Variants in TFEC observed in about 807,000 individuals in gnomAD.
TFEC encodes class E basic helix-loop-helix protein 34.
Under a neutral mutation model 41.6 loss-of-function variants are expected in TFEC, and 31 were observed. The ratio of observed to expected loss-of-function variants is 0.74; its 90% CI spans 0.56 to 1.01. TFEC has a LOEUF of 1.01. TFEC is among the 50% of genes least tolerant of loss of function. The probability of loss-of-function intolerance (pLI) is 0.00; values close to 1 mark genes in which losing one functional copy is unlikely to be tolerated. For missense variants in TFEC, 402 were observed against 404.1 expected, an observed-to-expected ratio of 0.99 and a Z score of 0.04; for synonymous variants, 143 against 140.6, an observed-to-expected ratio of 1.02 and a Z score of -0.12.
chr7:116,102,301 C>A (rs1797622537), intron 3 of TFEC, among the ~76,000 whole-genome samples: 1 of 152,096 alleles, frequency 6.6e-6, no homozygotes, highest in Non-Finnish European at 1.5e-5. Flanking sequence ...AGGAATTGGA[C>A]TTTTTCTGAA....
At chr7:116,046,881 G>C (rs1041122568) in intron 3 of TFEC, among the ~76,000 whole-genome samples, 1 of 152,136 alleles carries the variant, frequency 6.6e-6, no homozygotes, top group Non-Finnish European at 1.5e-5. Context: ...TCTCTCACCA[G>C]AGAGGTGAGC....
At chr7:116,051,210 C>G (rs2204334) in intron 3 of TFEC, among the ~76,000 whole-genome samples, 9 of 151,982 alleles carry the variant, frequency 5.9e-5, no homozygotes, top group Non-Finnish European at 1.0e-4. Flanking sequence ...GACGAGTTAA[C>G]GAGTGCAGCA....
chr7:116,124,712 TGAGGA>T (rs933073363), intron 1 of TFEC, among the ~76,000 whole-genome samples: 1 of 152,102 alleles, frequency 6.6e-6, no homozygotes, highest in African/African-American at 2.4e-5. Flanking sequence ...GACTCTATCT[TGAGGA>T]GAGGAAAGAA....
At chr7:116,153,640 A>G (rs941109878) in intron 1 of TFEC, among the ~76,000 whole-genome samples, 1 of 152,150 alleles carries the variant, frequency 6.6e-6, no homozygotes, top group Non-Finnish European at 1.5e-5. Flanking sequence ...ACCAGTAGTA[A>G]TTAACAATAA....
intron 1 of TFEC, among the ~76,000 whole-genome samples, chr7:116,134,136 T>A (rs1798389827): frequency 6.6e-6 from 1 of 152,164 alleles, no homozygotes; most frequent in African/African-American, 2.4e-5. Flanking sequence ...TGAATAAGAA[T>A]ATTTAAGAAC....
intron 2 of TFEC, among the ~76,000 whole-genome samples, chr7:115,977,980 T>A (rs764518073): frequency 6.6e-6 from 1 of 151,806 alleles, no homozygotes; most frequent in African/African-American, 2.4e-5. Context: ...CAATGGAAGA[T>A]AGAAAAAAGA....
At chr7:115,954,287 T>C (rs1792099934) in intron 5 of TFEC, among the ~76,000 whole-genome samples, 1 of 152,056 alleles carries the variant, frequency 6.6e-6, no homozygotes, top group Non-Finnish European at 1.5e-5. Flanking sequence ...CTTTAAACCT[T>C]TGAGTCAGTG....
chr7:116,045,540 G>A (rs1247576097), intron 3 of TFEC, among the ~76,000 whole-genome samples: 1 of 152,196 alleles, frequency 6.6e-6, no homozygotes, highest in African/African-American at 2.4e-5. Flanking sequence ...AGAAATTGAG[G>A]TTTGGGAACC....
At chr7:115,974,024 C>A in intron 3 of TFEC, 146 bp downstream of exon 3, 1 of 591,272 alleles carries the variant, frequency 1.7e-6, no homozygotes, top group South Asian at 2.4e-5. Flanking sequence ...TTTTTTTCTG[C>A]ACCAATAAAT....
chr7:116,083,454 A>T (rs1183347175), intron 3 of TFEC, among the ~76,000 whole-genome samples: 1 of 151,916 alleles, frequency 6.6e-6, no homozygotes, highest in East Asian at 1.9e-4. Flanking sequence ...GGAATTTCTC[A>T]CTTTTTCTCC....
chr7:115,999,844 C>A (rs1275718003), intron 1 of TFEC, among the ~76,000 whole-genome samples: 157 of 131,086 alleles, frequency 1.2e-3, no homozygotes, highest in South Asian at 1.2e-3. Flanking sequence ...AGTCTCCTAG[C>A]AAAAAAAAAA....
At chr7:116,131,640 C>T (rs1317231136) in intron 1 of TFEC, among the ~76,000 whole-genome samples, 1 of 151,950 alleles carries the variant, frequency 6.6e-6, no homozygotes, top group African/African-American at 2.4e-5. Context: ...TAGCACTGTC[C>T]ACTGTCTATA....
intron 6 of TFEC, among the ~76,000 whole-genome samples, chr7:115,948,761 TG>T (rs1443497480): frequency 2.7e-5 from 4 of 148,438 alleles, no homozygotes; most frequent in African/African-American, 5.0e-5. Context: ...GGGCAAAAAC[TG>T]GAAGCATTCC....
chr7:116,010,441 A>G (rs565455763), intron 1 of TFEC, among the ~76,000 whole-genome samples: 17 of 152,188 alleles, frequency 1.1e-4, no homozygotes, highest in Non-Finnish European at 1.9e-4. Flanking sequence ...ATGGATAGTG[A>G]TGTCCTTTAC....
intron 1 of TFEC, among the ~76,000 whole-genome samples, chr7:116,116,687 T>G (rs1797996162): frequency 6.6e-6 from 1 of 151,942 alleles, no homozygotes. Flanking sequence ...GAATCTACTA[T>G]TCTATGAATG....
intron 3 of TFEC, among the ~76,000 whole-genome samples, chr7:115,967,725 T>C (rs1029336798): frequency 6.6e-6 from 1 of 151,812 alleles, no homozygotes; most frequent in African/African-American, 2.4e-5. Flanking sequence ...AGCTGGTTTA[T>C]AATATAGTGG....
rs1174111174 is a variant in TFEC at position 115,984,246 on chromosome 7, C to T, written c.180+16G>A. On this transcript the variant is annotated intron_variant, in intron 2 of 7. Transcript: ENST00000265440. ...AAAACTGATGATATATTTTTATAACCAGCCATTAGACATACATGCCATTGT... is the reference window on the plus strand; with the variant it reads ...AAAACTGATGATATATTTTTATAACTAGCCATTAGACATACATGCCATTGT... The T allele has an allele frequency of 1.3e-6, 2 of 1,598,898 alleles. No homozygotes were observed. The highest frequency in any genetic ancestry group is 2.7e-5 in the African/African-American group (2 of 74,518).
intron 1 of TFEC, among the ~76,000 whole-genome samples, chr7:116,004,230 GCTAA>G (rs1794704470): frequency 2.0e-5 from 3 of 151,916 alleles, no homozygotes; most frequent in Admixed American, 2.0e-4. Context: ...TAAGCCTCTA[GCTAA>G]CTAAGAAAGT....
At chr7:116,030,972 C>T (rs1356849130), upstream of TFEC, among the ~76,000 whole-genome samples, 2 of 152,106 alleles carry the variant, frequency 1.3e-5, no homozygotes, top group African/African-American at 4.8e-5. Context: ...AATACTGTGG[C>T]CACAGTAAAA....
Sources: allele counts gnomAD v4.1 joint callset (sites outside exome capture counted in the v4.1 genomes callset), GRCh38; gene constraint gnomAD v4.1.1; transcripts MANE v1.5; gene names NCBI Gene and HGNC (gene_info 2026-07-23, HGNC 2026-07-21).